The following MYOM2 variants were observed in gnomAD, a reference collection of about 807,000 sequenced individuals.
MYOM2 encodes the protein myomesin-2.
Under a neutral mutation model 187.6 loss-of-function variants are expected in MYOM2, and 254 were observed. The observed-to-expected ratio is 1.35, with a 90% CI of 1.22 to 1.50. The LOEUF (loss-of-function observed/expected upper bound fraction) is 1.50, where lower values mean the gene tolerates loss of function less well. Ranked by LOEUF, MYOM2 falls within the 40% of genes most tolerant of loss-of-function variation. The pLI is 0.00. For synonymous variants in MYOM2, 981 were observed against 753.8 expected (o/e 1.30, Z -4.94); for missense variants, 2,796 against 1,924.0 (o/e 1.45, Z -8.48).
At chr8:2,057,913 G>A (rs1380575692) in intron 5 of MYOM2, 133 bp downstream of exon 5, 4 of 771,582 alleles carry the variant, frequency 5.2e-6, no homozygotes, top group African/African-American at 1.9e-5. Flanking sequence ...GCAGAAATAT[G>A]TTTATAGAAG....
chr8:2,141,232 C>A, intron 34 of MYOM2, 55 bp downstream of exon 34: 3 of 1,513,820 alleles, frequency 2.0e-6, no homozygotes, highest in South Asian at 2.3e-5. Flanking sequence ...GAGTCCCAGT[C>A]GTTTTGGCTG....
At chr8:2,080,576 G>T (rs1254925968) in intron 13 of MYOM2, among the ~76,000 whole-genome samples, 1 of 152,212 alleles carries the variant, frequency 6.6e-6, no homozygotes, top group African/African-American at 2.4e-5. Context: ...ACTCAGGAAG[G>T]ACACTCAATA....
chr8:2,123,220 T>G, intron 28 of MYOM2, 32 bp from the exon 29 acceptor site: 1 of 1,393,622 alleles, frequency 7.2e-7, no homozygotes, highest in East Asian at 2.3e-5. Context: ...CAGAATGATT[T>G]ACACACTAAA....
chr8:2,133,965 G>GTAGCCACCTCCACCC (rs1797965437), intron 32 of MYOM2, among the ~76,000 whole-genome samples: 2 of 128,488 alleles, frequency 1.6e-5, no homozygotes, highest in East Asian at 5.2e-4. Context: ...TGAGGTTAAC[G>GTAGCCACCTCCACCC]TCTTCTGTAG....
chr8:2,064,131 G>T (rs1449482441), intron 6 of MYOM2, among the ~76,000 whole-genome samples: 2 of 152,228 alleles, frequency 1.3e-5, no homozygotes, highest in African/African-American at 4.8e-5. Context: ...CGCGAGAGTG[G>T]CCGCCCTTCC....
intron 6 of MYOM2, among the ~76,000 whole-genome samples, chr8:2,067,910 A>G (rs967624846): frequency 9.9e-5 from 15 of 152,088 alleles, no homozygotes; most frequent in Non-Finnish European, 2.1e-4. Flanking sequence ...TGGGAATCCT[A>G]CTGGGGAGCT....
chr8:2,104,034 G>C (rs1230401650), intron 21 of MYOM2, among the ~76,000 whole-genome samples: 2 of 152,094 alleles, frequency 1.3e-5, no homozygotes, highest in African/African-American at 2.4e-5. Flanking sequence ...ATGAGAAGGA[G>C]AGCACTTTGG....
In MYOM2 at chr8:2,096,307, TC is replaced by T. The variant is rs772881253; in HGVS notation, c.2187del (p.Gly730AlafsTer41). 3 of 1,614,048 alleles carry T rather than the reference TC, an allele frequency of 1.9e-6. No homozygotes were observed. The African/African-American group carries it at 4.0e-5, about 22-fold the overall frequency. ...AACTGTGACGGCCACTCCATGACCC[TC>T]GGCTGGAAGGTCCCGAAATTCAGTG... ...LLNCDGHSMT[L>X]GWKVPKFSGG... On this transcript the variant is annotated frameshift_variant, in exon 18 of 37. Coordinates refer to ENST00000262113, the MANE Select transcript of MYOM2 (RefSeq NM_003970.4). LOFTEE classifies it high-confidence loss of function.
chr8:2,078,251 C>T (rs890693294), intron 11 of MYOM2, among the ~76,000 whole-genome samples: 2 of 152,228 alleles, frequency 1.3e-5, no homozygotes, highest in Non-Finnish European at 1.5e-5. Flanking sequence ...TGTAAGCCAG[C>T]TTTCCCAGGG....
At chr8:2,125,610 T>C (rs1236262312) in intron 31 of MYOM2, among the ~76,000 whole-genome samples, 2 of 113,976 alleles carry the variant, frequency 1.8e-5, no homozygotes, top group Non-Finnish European at 3.7e-5. Context: ...TTTCCTTTTT[T>C]TTTTTTTTTT....
intron 1 of MYOM2, among the ~76,000 whole-genome samples, chr8:2,049,157 A>G (rs1260105408): frequency 1.3e-5 from 2 of 152,040 alleles, no homozygotes; most frequent in Non-Finnish European, 2.9e-5. Context: ...ATGCTGGTGC[A>G]CTCTAAAACA....
chr8:2,057,904 C>T, intron 5 of MYOM2, 124 bp downstream of exon 5: 1 of 953,314 alleles, frequency 1.0e-6, no homozygotes, highest in Non-Finnish European at 1.5e-6. Context: ...AAACTCTAAG[C>T]AGAAATATGT....
At chr8:2,059,076 G>T in intron 5 of MYOM2, 77 bp from the exon 6 acceptor site, 3 of 1,237,214 alleles carry the variant, frequency 2.4e-6, no homozygotes, top group South Asian at 1.3e-5. Flanking sequence ...CAGCAGGCGC[G>T]GGGGAGCTGG....
intron 14 of MYOM2, among the ~76,000 whole-genome samples, chr8:2,089,018 C>T (rs1299291148): frequency 3.3e-5 from 5 of 152,026 alleles, no homozygotes; most frequent in Admixed American, 1.3e-4. Context: ...CACAAACGCC[C>T]GGGGCAGATA....
rs776092809 is a variant in MYOM2 at position 2,096,401 on chromosome 8, C to G, written c.2280C>G (p.Val760=). Residue 760 remains valine (V), a synonymous_variant, in exon 18 of 37, where the codon GTC becomes GTG. Coordinates refer to ENST00000262113, the MANE Select transcript of MYOM2 (RefSeq NM_003970.4). The stretch of plus-strand genomic sequence containing the variant: ...TTCACCATAAAAACTGGCACGAGGT[C>G]AATTCCTCACCCAGCAAACCGACAA... The part of the protein sequence containing the change: ...REVHHKNWHE[V]NSSPSKPTIL... The G allele has an allele frequency of 8.7e-6, 14 of 1,614,100 alleles. No homozygotes were observed. In the Admixed American group the frequency reaches 1.2e-4, roughly 13 times the overall value.
At position 2,067,111 on chromosome 8, in the gene MYOM2, G is replaced by T. The variant is rs138923663; in HGVS notation, c.654-2167G>T. On this transcript the variant is annotated intron_variant, in intron 6 of 36. Coordinates refer to ENST00000262113, the MANE Select transcript of MYOM2 (RefSeq NM_003970.4). ...GAGGGGAAAGAATTCTCAGTAGATA[G>T]CACAGTTCTCGGACACGTTCTTTCC... is the stretch of plus-strand genomic sequence containing the variant. Among the ~76,000 whole-genome samples, 364 of 152,286 alleles carry T rather than the reference G, an allele frequency of 2.4e-3. 1 individual carries two copies. Among genetic ancestry groups the T allele is most frequent in the African/African-American group, 8.2e-3 (340 of 41,552 alleles).
intron 3 of MYOM2, 40 bp downstream of exon 3, chr8:2,052,353 T>A: frequency 1.9e-6 from 3 of 1,561,208 alleles, no homozygotes; most frequent in Non-Finnish European, 2.6e-6. Flanking sequence ...GTGCCCTGCG[T>A]GGGGTCACAG....
rs755947038 is a variant in MYOM2, at chr8:2,144,997, C to G, written c.*16C>G. 1 of 1,610,096 alleles carries G rather than the reference C, an allele frequency of 6.2e-7. No individual in the cohort carries two copies. Among genetic ancestry groups the G allele is most frequent in the South Asian group, 1.1e-5 (1 of 90,798 alleles). The stretch of plus-strand genomic sequence containing the variant: ...AGGCCAGTGAAGGCGTTTTCCTAGC[C>G]TGGAGATGGGAAAATATGCTTGGCA... On this transcript the variant is annotated 3_prime_UTR_variant, in exon 37 of 37. Transcript: ENST00000262113.
chr8:2,104,559 C>A (rs1416264246), intron 21 of MYOM2, among the ~76,000 whole-genome samples: 3 of 151,336 alleles, frequency 2.0e-5, no homozygotes, highest in Admixed American at 2.0e-4. Flanking sequence ...GAGCCGAGAT[C>A]GCGCCACTGC....
Sources: gnomAD v4.1 joint callset for allele counts (sites outside exome capture counted in the v4.1 genomes callset) on GRCh38, gnomAD v4.1.1 for gene constraint, MANE v1.5 for transcripts, NCBI Gene and HGNC (gene_info 2026-07-23, HGNC 2026-07-21) for gene names.